FAM3C: variants seen among roughly 807,000 people sequenced by gnomAD.
FAM3C encodes the protein protein FAM3C.
FAM3C carries 15 observed loss-of-function variants against 32.5 expected under a neutral mutation model. That is an observed-to-expected ratio of 0.46 (90% CI 0.31 to 0.71). The LOEUF (loss-of-function observed/expected upper bound fraction) is 0.71. FAM3C is among the 30% of genes least tolerant of loss of function. The pLI is 0.05. For synonymous variants in FAM3C, 75 were observed against 86.1 expected, an observed-to-expected ratio of 0.87 and a Z score of 0.72; for missense variants, 175 against 274.4, an observed-to-expected ratio of 0.64 and a Z score of 2.56.
At chr7:121,356,102 C>CA (rs903659160) in intron 8 of FAM3C, among the ~76,000 whole-genome samples, 3 of 149,696 alleles carry the variant, frequency 2.0e-5, no homozygotes, top group Non-Finnish European at 4.4e-5. Context: ...ACCAAAAACT[C>CA]ACGAGCCAAA....
intron 4 of FAM3C, among the ~76,000 whole-genome samples, chr7:121,371,756 G>A (rs1463281264): frequency 6.6e-6 from 1 of 151,958 alleles, no homozygotes; most frequent in Non-Finnish European, 1.5e-5. Context: ...AGGATGTGGG[G>A]GGTTCTGAAT....
At chr7:121,362,561 T>A (rs2116892426) in intron 7 of FAM3C, 1 of 227,738 alleles carries the variant, frequency 4.4e-6, no homozygotes, top group African/African-American at 2.3e-5. Flanking sequence ...GTCTTCAAAT[T>A]ACTTTTTTTT....
intron 5 of FAM3C, among the ~76,000 whole-genome samples, chr7:121,366,968 T>A (rs2116904582): frequency 6.6e-6 from 1 of 152,178 alleles, no homozygotes; most frequent in South Asian, 2.1e-4. Context: ...CAGACTGAAA[T>A]CTATCATAAA....
At position 121,379,035 on chromosome 7, in the gene FAM3C, A is replaced by G. The variant is rs1227407554; in HGVS notation, c.14-21T>C. ...AGCACCTAAAAGGCAGAAGTATTTC[A>G]GCATAACTTTGTAAGCCCACAGAAC... On this transcript the variant is annotated intron_variant, in intron 2 of 9. Coordinates refer to ENST00000359943, the MANE Select transcript of FAM3C (RefSeq NM_014888.3). 9 of 1,356,068 alleles carry G rather than the reference A, an allele frequency of 6.6e-6. No homozygotes were observed. The East Asian group carries it at 2.2e-4, about 33-fold the overall frequency. 84.0% of individuals were successfully genotyped at this position (1,356,068 alleles called of 1,614,324 possible). A position where few individuals can be genotyped will look rare whatever the true frequency, so the allele number is the denominator to read the frequency against.
chr7:121,361,075 T>C (rs1301787544), intron 7 of FAM3C, among the ~76,000 whole-genome samples: 4 of 152,182 alleles, frequency 2.6e-5, no homozygotes, highest in Non-Finnish European at 5.9e-5. Context: ...TTGTAGCAAA[T>C]ATTACAGTCA....
intron 2 of FAM3C, 39 bp from the exon 3 acceptor site, chr7:121,379,053 C>A: frequency 1.8e-6 from 2 of 1,110,000 alleles, no homozygotes; most frequent in Admixed American, 2.6e-5. Context: ...TTTGTAAGCC[C>A]ACAGAACTTT....
intron 5 of FAM3C, 137 bp downstream of exon 5, chr7:121,371,163 A>G (rs1013173684): frequency 1.9e-6 from 2 of 1,077,996 alleles, no homozygotes; most frequent in African/African-American, 1.6e-5. Context: ...ATGAGAAAAA[A>G]ACTACATAAC....
chr7:121,385,622 T>C (rs1794450457), intron 1 of FAM3C, among the ~76,000 whole-genome samples: 2 of 152,208 alleles, frequency 1.3e-5, no homozygotes, highest in African/African-American at 2.4e-5. Flanking sequence ...TAAGGAGTCA[T>C]TGTTCTAGAA....
At chr7:121,370,467 T>C (rs1361036291) in intron 5 of FAM3C, among the ~76,000 whole-genome samples, 1 of 152,148 alleles carries the variant, frequency 6.6e-6, no homozygotes, top group Non-Finnish European at 1.5e-5. Flanking sequence ...TTCTATATAA[T>C]TCGTGACAAA....
chr7:121,369,196 GT>G (rs1223518069), intron 5 of FAM3C, among the ~76,000 whole-genome samples: 3 of 151,814 alleles, frequency 2.0e-5, no homozygotes, highest in Non-Finnish European at 2.9e-5. Flanking sequence ...GGCCAGGCTG[GT>G]CTCAGACTCC....
chr7:121,367,894 C>A (rs1794054765), intron 5 of FAM3C, among the ~76,000 whole-genome samples: 1 of 151,710 alleles, frequency 6.6e-6, no homozygotes, highest in Admixed American at 6.6e-5. Context: ...TGAGTCCAGG[C>A]ATTCAAAGTT....
rs148208893 is a variant in FAM3C at position 121,392,526 on chromosome 7, G to A, written c.-42+3636C>T. 2.7e-3 allele frequency among the ~76,000 whole-genome samples: 405 copies of A among 152,274 alleles called. 1 individual carries two copies. Among genetic ancestry groups the A allele is most frequent in the Middle Eastern group, 6.8e-3 (2 of 294 alleles). On this transcript the variant is annotated intron_variant, in intron 1 of 9. Coordinates refer to ENST00000359943, the MANE Select transcript of FAM3C (RefSeq NM_014888.3). ...TCGACACACAGGGATTACAATTTGA[G>A]ATGAGATTTGAGTGGGGACGCAGAA...
intron 5 of FAM3C, among the ~76,000 whole-genome samples, chr7:121,369,650 G>T (rs1794102519): frequency 6.6e-6 from 1 of 152,186 alleles, no homozygotes; most frequent in Admixed American, 6.5e-5. Flanking sequence ...TCTATGCACT[G>T]TTCGCTTTCT....
At chr7:121,382,154 A>G (rs1256641922) in intron 2 of FAM3C, among the ~76,000 whole-genome samples, 1 of 152,182 alleles carries the variant, frequency 6.6e-6, no homozygotes, top group Non-Finnish European at 1.5e-5. Context: ...AGGGTGGGGA[A>G]AAACAGACTT....
chr7:121,364,205 T>C lies in FAM3C; in HGVS notation c.273-17A>G, dbSNP rs1038839794. ...CTCATTAAACTGAAGGGGGAGAAATTGAAATAAATTTAGAATTAAATATTG... is the reference window on the plus strand; with the variant it reads ...CTCATTAAACTGAAGGGGGAGAAATCGAAATAAATTTAGAATTAAATATTG... On this transcript the variant is annotated splice_polypyrimidine_tract_variant and intron_variant, in intron 5 of 9. Coordinates refer to ENST00000359943, the MANE Select transcript of FAM3C (RefSeq NM_014888.3). 7.3e-6 allele frequency: 11 copies of C among 1,505,744 alleles called. No homozygotes were observed. Among genetic ancestry groups the C allele is most frequent in the Non-Finnish European group, 9.2e-6 (10 of 1,084,220 alleles). The allele number at this position is 1,505,744 out of a possible 1,614,324, so 93.3% of individuals were successfully genotyped here.
chr7:121,389,701 T>C lies in FAM3C; in HGVS notation c.-42+6461A>G, dbSNP rs574883761. On this transcript the variant is annotated intron_variant, in intron 1 of 9. Transcript: ENST00000359943. ...TACAAGATGCTATGCGGCTGGTATA[T>C]ATGTGTATAATCACCTAGCTGGCAT... is the stretch of plus-strand genomic sequence containing the variant. Among the ~76,000 whole-genome samples, 6 of 151,946 alleles carry C rather than the reference T, an allele frequency of 3.9e-5. 1 individual carries two copies. In the South Asian group the frequency reaches 1.2e-3, roughly 32 times the overall value.
intron 1 of FAM3C, among the ~76,000 whole-genome samples, chr7:121,387,604 A>G (rs565752577): frequency 2.0e-5 from 3 of 152,270 alleles, no homozygotes; most frequent in South Asian, 2.1e-4. Flanking sequence ...AGATGAAGCT[A>G]TCCATCTATA....
intron 2 of FAM3C, among the ~76,000 whole-genome samples, chr7:121,379,628 C>T (rs1211465362): frequency 6.6e-6 from 1 of 152,158 alleles, no homozygotes. Flanking sequence ...GTACCTATCA[C>T]ATATGCTTCA....
At chr7:121,354,659 G>A (rs1037470331) in intron 8 of FAM3C, among the ~76,000 whole-genome samples, 1 of 152,184 alleles carries the variant, frequency 6.6e-6, no homozygotes, top group African/African-American at 2.4e-5. Context: ...AGCTGGGAAG[G>A]AGAAAGTCTG....
Sources: gnomAD v4.1 joint callset for allele counts (sites outside exome capture counted in the v4.1 genomes callset) on GRCh38, gnomAD v4.1.1 for gene constraint, MANE v1.5 for transcripts, NCBI Gene and HGNC (gene_info 2026-07-23, HGNC 2026-07-21) for gene names.